Variants in LSS observed in about 807,000 individuals in gnomAD.
LSS encodes the protein 2,3-epoxysqualene-lanosterol cyclase.
A neutral mutation model predicts 110.3 loss-of-function variants in LSS; 90 were observed. That is an observed-to-expected ratio of 0.82 (90% CI 0.69 to 0.97). The LOEUF is 0.97. Among genes scored for constraint, LSS ranks in the 50% least tolerant of loss-of-function variants. The pLI, the probability that LSS is intolerant of heterozygous loss-of-function variation, is 0.00. For missense variants in LSS, 927 were observed against 990.0 expected (o/e 0.94, Z 0.85); for synonymous variants, 433 against 400.0 (o/e 1.08, Z -0.98).
At chr21:46,221,076 T>TACCC (rs2080273401) in intron 5 of LSS, among the ~76,000 whole-genome samples, 1 of 125,848 alleles carries the variant, frequency 7.9e-6, no homozygotes, top group African/African-American at 3.1e-5. Flanking sequence ...AGTAGACAGT[T>TACCC]GGGGCTTGGA....
At position 46,191,914 on chromosome 21, in the gene LSS, A is replaced by C. The variant is rs1165281077; in HGVS notation, c.2034T>G (p.Leu678=). ...AGTCGCCATTGGGGAGCTGTTTCTC[A>C]AGTAGACACCGGACTCCTCTCTCCT... The part of the protein sequence containing the change: ...EAQERGVRCL[L]EKQLPNGDWP... The change falls in exon 21 of 22, where the codon CTT becomes CTG. Residue 678 remains leucine (L), a synonymous_variant. Coordinates refer to ENST00000397728, the MANE Select transcript of LSS (RefSeq NM_002340.6). 5 of 1,613,526 alleles carry C rather than the reference A, an allele frequency of 3.1e-6. No individual in the cohort carries two copies. Among genetic ancestry groups the C allele is most frequent in the Admixed American group, 1.7e-5 (1 of 59,950 alleles).
chr21:46,189,478 G>A lies in LSS; in HGVS notation c.*1626C>T. The A allele has an allele frequency of 2.8e-6, 1 of 352,068 alleles. No individual in the cohort carries two copies. Among genetic ancestry groups the A allele is most frequent in the South Asian group, 2.1e-5 (1 of 47,862 alleles). The allele number at this position is 352,068 out of a possible 1,614,324, so 21.8% of individuals were successfully genotyped here. On this transcript the variant is annotated 3_prime_UTR_variant, in exon 22 of 22. Transcript: ENST00000397728. The stretch of plus-strand genomic sequence containing the variant: ...TGACACTGAACAGGCAGCTGACCAA[G>A]CCCTGCAGGGCTCTGAGCAGGCAGG...
intron 5 of LSS, among the ~76,000 whole-genome samples, chr21:46,220,824 G>A (rs1056715118): frequency 1.3e-5 from 2 of 151,866 alleles, no homozygotes; most frequent in Admixed American, 6.5e-5. Context: ...GTTGGGGCTT[G>A]GAGAGGTGGA....
intron 3 of LSS, 144 bp from the exon 4 acceptor site, chr21:46,222,882 G>C (rs2123760341): frequency 1.5e-6 from 1 of 648,482 alleles, no homozygotes; most frequent in East Asian, 2.7e-5. Flanking sequence ...ATTCCTCCCA[G>C]GCCCCCATGG....
intron 9 of LSS, among the ~76,000 whole-genome samples, chr21:46,214,975 G>C (rs1182685098): frequency 6.6e-6 from 1 of 152,050 alleles, no homozygotes; most frequent in Non-Finnish European, 1.5e-5. Context: ...GGTCGAGTGT[G>C]GTGGGGCAAC....
chr21:46,227,736 G>C, intron 2 of LSS, 46 bp from the exon 3 acceptor site: 4 of 1,606,426 alleles, frequency 2.5e-6, no homozygotes, highest in Non-Finnish European at 3.4e-6. Flanking sequence ...TGACGGGACT[G>C]TTGCCCGGCC....
intron 17 of LSS, among the ~76,000 whole-genome samples, chr21:46,204,405 T>A: frequency 1.3e-5 from 2 of 148,990 alleles, no homozygotes; most frequent in Admixed American, 6.7e-5. Context: ...TTTCAAAAGA[T>A]CAGTATAAGA....
chr21:46,191,285 G>C lies in LSS; in HGVS notation c.2068-50C>G, dbSNP rs374744172. 1.2e-6 allele frequency: 2 copies of C among 1,607,672 alleles called. 1 individual carries two copies. The highest frequency in any genetic ancestry group is 1.7e-6 in the Non-Finnish European group (2 of 1,175,606). On this transcript the variant is annotated intron_variant, in intron 21 of 21. Coordinates refer to ENST00000397728, the MANE Select transcript of LSS (RefSeq NM_002340.6). ...ACAAAGGCTTCACCAGTCAGCTGAG[G>C]GCTAGTCCCTGAACTGGAGCCCTGG...
chr21:46,200,167 C>T (rs757145046), intron 17 of LSS, among the ~76,000 whole-genome samples: 23 of 151,990 alleles, frequency 1.5e-4, no homozygotes, highest in Non-Finnish European at 2.1e-4. Flanking sequence ...AAATCAATTG[C>T]GTAAGAATCT....
rs185580951 is a variant in LSS, at chr21:46,215,970, G to A, written c.784-177C>T. On this transcript the variant is annotated intron_variant, in intron 7 of 21. Transcript: ENST00000397728. ...CATGAAGGCCCCCTATGGGAGGACC[G>A]CTCTGAGGAGCTCCCCAGCTCCATG... Among the ~76,000 whole-genome samples, 29 of 152,224 alleles carry A rather than the reference G, an allele frequency of 1.9e-4. No individual in the cohort carries two copies. The East Asian group carries it at 2.7e-3, about 14-fold the overall frequency.
intron 12 of LSS, 59 bp downstream of exon 12, chr21:46,210,629 G>T: frequency 6.5e-7 from 1 of 1,542,608 alleles, no homozygotes. Context: ...AGGTGGATGC[G>T]TGGGCTCACG....
At chr21:46,208,937 G>A (rs1302684474) in intron 13 of LSS, among the ~76,000 whole-genome samples, 2 of 152,220 alleles carry the variant, frequency 1.3e-5, no homozygotes. Flanking sequence ...GGAGGGAGAC[G>A]GGGCTGGGGG....
chr21:46,228,280 G>A (rs1233048308), intron 2 of LSS, among the ~76,000 whole-genome samples, 154 bp downstream of exon 2: 1 of 152,266 alleles, frequency 6.6e-6, no homozygotes, highest in Non-Finnish European at 1.5e-5. Context: ...GGCTGAAGCG[G>A]AGGGGCCCGC....
Position 46,190,657 on chromosome 21 carries a change from G to A in LSS, c.*447C>T. On this transcript the variant is annotated 3_prime_UTR_variant, in exon 22 of 22. Coordinates refer to ENST00000397728, the MANE Select transcript of LSS (RefSeq NM_002340.6). This position sits in a 1 kb window ranked among gnomAD's most constrained non-coding sequence, Gnocchi z 4.6. ...GGTTGCCCTCGTGTCCCTCAGCCCA[G>A]CAGACAAAAGGTGCAGGAGAAGCCT... 1.1e-5 allele frequency: 2 copies of A among 175,850 alleles called. No individual in the cohort carries two copies. The highest frequency in any genetic ancestry group is 1.5e-4 in the East Asian group (1 of 6,512). 10.9% of individuals were successfully genotyped at this position (175,850 alleles called of 1,614,324 possible).
In LSS at chr21:46,215,760, A is replaced by G; in HGVS notation, c.817T>C (p.Trp273Arg). 2 of 1,612,640 alleles carry G rather than the reference A, an allele frequency of 1.2e-6. No homozygotes were observed. ...GCCACGTTGTTCCTCTGCGCCAGCC[A>G]GTCAATGCTGGCGAAGTCCTCCACA... ...LYVEDFASID[W>R]LAQRNNVAPD... The change falls in exon 8 of 22, where the codon TGG becomes CGG. Residue 273 changes from tryptophan to arginine, a missense_variant. Physicochemically the swap from Trp to Arg is moderately radical, Grantham distance 101 (BLOSUM62 -3). Coordinates refer to ENST00000397728, the MANE Select transcript of LSS (RefSeq NM_002340.6).
At chr21:46,205,132 A>G (rs901775816) in intron 17 of LSS, among the ~76,000 whole-genome samples, 1 of 152,106 alleles carries the variant, frequency 6.6e-6, no homozygotes, top group Non-Finnish European at 1.5e-5. Context: ...CCCCCAAAAG[A>G]TAAGTACAAG....
intron 6 of LSS, among the ~76,000 whole-genome samples, chr21:46,218,398 C>A (rs945676344): frequency 6.6e-6 from 1 of 152,070 alleles, no homozygotes; most frequent in African/African-American, 2.4e-5. Context: ...CCAAGGCAGG[C>A]GGATCACCTG....
At position 46,210,721 on chromosome 21, in the gene LSS, C is replaced by G. The variant is rs767381288; in HGVS notation, c.1161G>C (p.Trp387Cys). ...GAGCCTGGATGGCGAATGCGGTGTC[C>G]CAGATCTGTGAGCCGTTGGTGCCCT... ...KMQGTNGSQI[W>C]DTAFAIQALL... Residue 387 changes from tryptophan to cysteine, a missense_variant, in exon 12 of 22, where the codon TGG (tryptophan) becomes TGC (cysteine). By Grantham distance (215) the Trp-to-Cys change is radical. Transcript: ENST00000397728. 10 of 1,613,950 alleles carry G rather than the reference C, an allele frequency of 6.2e-6. No homozygotes were observed. In the Admixed American group the frequency reaches 1.5e-4, roughly 24 times the overall value.
At position 46,194,560 on chromosome 21, in the gene LSS, C is replaced by T. The variant is rs780049454; in HGVS notation, c.1919G>A (p.Arg640His). ...CTGGGACTGGGCACTCTGCAAATAA[C>T]GCCGCTCCTCGCAGGACTCAAAGTC... ...GEDFESCEERRYLQSAQSQIH... is the reference protein window; with the variant it reads ...GEDFESCEERHYLQSAQSQIH... The change falls in exon 20 of 22, where the codon CGT (arginine) becomes CAT (histidine). Residue 640 changes from arginine to histidine, a missense_variant. Physicochemically the swap from Arg to His is conservative, Grantham distance 29. Coordinates refer to ENST00000397728, the MANE Select transcript of LSS (RefSeq NM_002340.6). 3.2e-5 allele frequency: 52 copies of T among 1,613,686 alleles called. No individual in the cohort carries two copies. Among genetic ancestry groups the T allele is most frequent in the Middle Eastern group, 1.6e-4 (1 of 6,084 alleles).
Sources: allele counts gnomAD v4.1 joint callset (sites outside exome capture counted in the v4.1 genomes callset), GRCh38; gene constraint gnomAD v4.1.1; non-coding constraint Gnocchi (gnomAD v3.1); transcripts MANE v1.5; gene names NCBI Gene and HGNC (gene_info 2026-07-23, HGNC 2026-07-21).